GRM7: variants seen among roughly 807,000 people sequenced by gnomAD.
GRM7 encodes the protein glutamate metabotropic receptor 7.
In GRM7, 35 loss-of-function variants were observed where a neutral mutation model predicts 84.5. The ratio of observed to expected loss-of-function variants is 0.41; its 90% CI spans 0.32 to 0.55. The LOEUF (loss-of-function observed/expected upper bound fraction) is 0.55. Ranked by LOEUF, GRM7 falls within the 20% of genes least tolerant of loss-of-function variation. The probability of loss-of-function intolerance (pLI) is 0.19; values close to 1 mark genes in which losing one functional copy is unlikely to be tolerated. For synonymous variants in GRM7, 487 were observed against 455.1 expected (o/e 1.07, Z -0.89); for missense variants, 1,003 against 1,194.6 (o/e 0.84, Z 2.36).
chr3:6,948,518 G>C (rs1169432641), intron 1 of GRM7, among the ~76,000 whole-genome samples: 2 of 152,196 alleles, frequency 1.3e-5, no homozygotes, highest in East Asian at 3.9e-4. Flanking sequence ...GTTCTGAGAA[G>C]AATGTATATT....
intron 5 of GRM7, among the ~76,000 whole-genome samples, chr3:7,423,322 C>G (rs1307211825): frequency 6.6e-6 from 1 of 152,202 alleles, no homozygotes; most frequent in Non-Finnish European, 1.5e-5. Flanking sequence ...TGTGTCATTT[C>G]TTTCTCATTA....
chr3:7,488,620 C>T (rs1184893835), intron 7 of GRM7, among the ~76,000 whole-genome samples: 3 of 152,158 alleles, frequency 2.0e-5, no homozygotes, highest in South Asian at 2.1e-4. Flanking sequence ...AGCATGAGGC[C>T]CCCGCCAACA....
At position 7,426,939 on chromosome 3, in the gene GRM7, G is replaced by C. The variant is rs1172337082; in HGVS notation, c.1174+11776G>C. On this transcript the variant is annotated intron_variant, in intron 5 of 9. Coordinates refer to ENST00000357716, the MANE Select transcript of GRM7 (RefSeq NM_000844.4). ...AATTGATCAGATTGGAGGAGAAGAAGGAGATGATTTGTGCTTGTGTTTCCC... is the reference window on the plus strand; with the variant it reads ...AATTGATCAGATTGGAGGAGAAGAACGAGATGATTTGTGCTTGTGTTTCCC... Among the ~76,000 whole-genome samples the C allele has an allele frequency of 2.6e-5, 4 of 152,306 alleles. No homozygotes were observed. The South Asian group carries it at 8.3e-4, about 32-fold the overall frequency.
chr3:7,221,075 C>A (rs750480608), intron 2 of GRM7, among the ~76,000 whole-genome samples: 2 of 151,940 alleles, frequency 1.3e-5, no homozygotes, highest in African/African-American at 4.8e-5. Context: ...ACAGCCTGGG[C>A]GACAGAGTAA....
At chr3:7,118,516 G>A (rs1693116077) in intron 1 of GRM7, among the ~76,000 whole-genome samples, 1 of 149,742 alleles carries the variant, frequency 6.7e-6, no homozygotes, top group African/African-American at 2.5e-5. Context: ...CTAAAAAAAA[G>A]TTACAGAAAA....
chr3:7,567,529 C>A (rs2125042289), intron 7 of GRM7, among the ~76,000 whole-genome samples: 2 of 152,118 alleles, frequency 1.3e-5, no homozygotes, highest in South Asian at 4.1e-4. Context: ...GGGTGGATTG[C>A]ATGAGGCCAG....
At chr3:6,993,292 G>T (rs1694713003) in intron 1 of GRM7, among the ~76,000 whole-genome samples, 1 of 152,168 alleles carries the variant, frequency 6.6e-6, no homozygotes, top group African/African-American at 2.4e-5. Flanking sequence ...AATTCAAGAT[G>T]AGATTTGGGT....
At chr3:7,312,857 G>T (rs1400110847) in intron 4 of GRM7, among the ~76,000 whole-genome samples, 1 of 151,766 alleles carries the variant, frequency 6.6e-6, no homozygotes, top group African/African-American at 2.4e-5. Context: ...AACTGTGATT[G>T]TCCCAGCCAA....
chr3:7,320,438 C>G (rs536504884), intron 4 of GRM7, among the ~76,000 whole-genome samples: 2 of 152,100 alleles, frequency 1.3e-5, no homozygotes, highest in South Asian at 2.1e-4. Context: ...TGGTAATAAA[C>G]TGGGAAAACA....
chr3:6,879,771 C>T (rs1695439883), intron 1 of GRM7, among the ~76,000 whole-genome samples: 1 of 152,166 alleles, frequency 6.6e-6, no homozygotes, highest in South Asian at 2.1e-4. Flanking sequence ...ATGAGTTTAC[C>T]TGCAATAATA....
intron 7 of GRM7, among the ~76,000 whole-genome samples, chr3:7,478,522 G>C (rs766790471): frequency 6.6e-6 from 1 of 152,176 alleles, no homozygotes; most frequent in Non-Finnish European, 1.5e-5. Context: ...TTTTTGCCAA[G>C]AGCATTACAT....
At chr3:7,625,516 G>C (rs1697569118) in intron 8 of GRM7, among the ~76,000 whole-genome samples, 1 of 152,042 alleles carries the variant, frequency 6.6e-6, no homozygotes, top group South Asian at 2.1e-4. Flanking sequence ...CAAAAAACAG[G>C]GACATTGGCT....
intron 9 of GRM7, among the ~76,000 whole-genome samples, chr3:7,727,862 A>C (rs531657089): frequency 2.6e-5 from 4 of 152,310 alleles, no homozygotes; most frequent in African/African-American, 9.6e-5. Context: ...ATCCCAACAT[A>C]CACAGTCCTT....
In GRM7 at chr3:7,464,259, G is replaced by A. The variant is rs373637647; in HGVS notation, c.1515+2537G>A. On this transcript the variant is annotated intron_variant, in intron 7 of 9. Transcript: ENST00000357716. ...CAAATGAATGGGATACATATGTAAC[G>A]TGAGGCACTGTGTGGATGATGGCAA... 4.6e-3 allele frequency among the ~76,000 whole-genome samples: 695 copies of A among 152,116 alleles called. 4 individuals are homozygous for A. Among genetic ancestry groups the A allele is most frequent in the African/African-American group, 0.013 (550 of 41,508 alleles).
Position 7,007,082 on chromosome 3 carries a change from C to T in GRM7, c.520-139370C>T, listed in dbSNP as rs113790849. ...ATATTGGTTCAAGGTATTTCTCCTTCGGTCTCCAGCTTAAATTAGCATTCT... is the reference window on the plus strand; with the variant it reads ...ATATTGGTTCAAGGTATTTCTCCTTTGGTCTCCAGCTTAAATTAGCATTCT... On this transcript the variant is annotated intron_variant, in intron 1 of 9. Coordinates refer to ENST00000357716, the MANE Select transcript of GRM7 (RefSeq NM_000844.4). 4.3e-3 allele frequency among the ~76,000 whole-genome samples: 658 copies of T among 152,278 alleles called. 5 individuals are homozygous for T. Among genetic ancestry groups the T allele is most frequent in the Non-Finnish European group, 7.4e-3 (502 of 68,022 alleles).
At chr3:7,208,565 G>A (rs557160899) in intron 2 of GRM7, among the ~76,000 whole-genome samples, 1 of 152,276 alleles carries the variant, frequency 6.6e-6, no homozygotes, top group Admixed American at 6.5e-5. Context: ...AGATGGAAGG[G>A]AGGTTTGCTC....
intron 1 of GRM7, among the ~76,000 whole-genome samples, chr3:6,889,955 T>C (rs1415695551): frequency 3.9e-5 from 6 of 152,198 alleles, no homozygotes; most frequent in African/African-American, 1.4e-4. Flanking sequence ...CCTGGTTTAG[T>C]CTTGGGAGGG....
chr3:7,028,895 G>A (rs1696079317), intron 1 of GRM7, among the ~76,000 whole-genome samples: 1 of 152,190 alleles, frequency 6.6e-6, no homozygotes. Flanking sequence ...CAGTTCCTTA[G>A]AAGTTAGACA....
chr3:6,895,423 A>G (rs970465397), intron 1 of GRM7, among the ~76,000 whole-genome samples: 2 of 152,200 alleles, frequency 1.3e-5, no homozygotes, highest in Admixed American at 1.3e-4. Context: ...GACCATCAGA[A>G]TAACTGCTGT....
Sources: gnomAD v4.1 joint callset for allele counts (sites outside exome capture counted in the v4.1 genomes callset) on GRCh38, gnomAD v4.1.1 for gene constraint, MANE v1.5 for transcripts, NCBI Gene and HGNC (gene_info 2026-07-23, HGNC 2026-07-21) for gene names.